Variants in XRN1 observed in about 807,000 individuals in gnomAD.
The protein encoded by XRN1 is strand-exchange protein 1 homolog.
A neutral mutation model predicts 222.3 loss-of-function variants in XRN1; 67 were observed. The observed-to-expected ratio is 0.30, with a 90% CI of 0.25 to 0.37. XRN1 has a LOEUF of 0.37. Among genes scored for constraint, XRN1 ranks in the 10% least tolerant of loss-of-function variants. The pLI, the probability that XRN1 is intolerant of heterozygous loss-of-function variation, is 1.00. For missense variants in XRN1, 1,707 were observed against 2,000.2 expected, an observed-to-expected ratio of 0.85 and a Z score of 2.80; for synonymous variants, 643 against 652.4, an observed-to-expected ratio of 0.99 and a Z score of 0.22.
intron 1 of XRN1, among the ~76,000 whole-genome samples, chr3:142,434,532 A>G (rs893167954): frequency 1.7e-5 from 2 of 115,086 alleles, no homozygotes; most frequent in Non-Finnish European, 3.7e-5. Flanking sequence ...TTTTTTTTAC[A>G]TTTTACAGAA....
chr3:142,321,263 G>A (rs551170089), intron 37 of XRN1, among the ~76,000 whole-genome samples: 5 of 151,972 alleles, frequency 3.3e-5, no homozygotes, highest in African/African-American at 1.2e-4. Flanking sequence ...GTGATTACAG[G>A]TGCATGCCAT....
intron 1 of XRN1, among the ~76,000 whole-genome samples, chr3:142,443,029 G>A (rs1472047258): frequency 3.3e-5 from 5 of 152,136 alleles, no homozygotes; most frequent in African/African-American, 9.7e-5. Flanking sequence ...CACCGCGCCC[G>A]GCCCAATCCC....
At chr3:142,340,310 G>C (rs555695050) in intron 33 of XRN1, among the ~76,000 whole-genome samples, 2 of 152,046 alleles carry the variant, frequency 1.3e-5, no homozygotes, top group African/African-American at 4.8e-5. Context: ...AGCTGAGATT[G>C]CACCACTGCA....
chr3:142,359,450 T>A (rs2066557641), intron 30 of XRN1, among the ~76,000 whole-genome samples: 1 of 152,208 alleles, frequency 6.6e-6, no homozygotes, highest in Non-Finnish European at 1.5e-5. Flanking sequence ...TAGCATTGTT[T>A]ACATATGCTA....
At chr3:142,349,091 T>G (rs769914049) in intron 32 of XRN1, among the ~76,000 whole-genome samples, 5 of 152,116 alleles carry the variant, frequency 3.3e-5, no homozygotes, top group Non-Finnish European at 7.4e-5. Flanking sequence ...TAGCTGGGGC[T>G]ATGGGTATGT....
intron 2 of XRN1, among the ~76,000 whole-genome samples, chr3:142,427,570 TAAG>T (rs570787387): frequency 6.6e-6 from 1 of 152,204 alleles, no homozygotes; most frequent in African/African-American, 2.4e-5. Context: ...AAATTATCCC[TAAG>T]ATTATATAAA....
At position 142,312,704 on chromosome 3, in the gene XRN1, G is replaced by A. The variant is rs372791332; in HGVS notation, c.4676C>T (p.Ser1559Leu). 65 of 1,613,806 alleles carry A rather than the reference G, an allele frequency of 4.0e-5. No homozygotes were observed. Among genetic ancestry groups the A allele is most frequent in the Admixed American group, 1.7e-4 (10 of 60,004 alleles). ...HLFGSMPWGP[S>L]VPVPGKPFHH... ...GAAGGGCTTCCCAGGAACTGGCACC[G>A]ATGGTCCCCATGGCATTGAGCCAAA... Residue 1559 changes from serine to leucine, a missense_variant, in exon 40 of 41, where the codon TCG (serine) becomes TTG (leucine). Ser to Leu is a moderately radical substitution (Grantham distance 145). This residue lies in a region of XRN1 where 473 missense variants were observed against 482.0 expected (regional missense o/e 0.98). Transcript: ENST00000392981.
chr3:142,388,229 T>C (rs1239825332), intron 20 of XRN1, among the ~76,000 whole-genome samples: 1 of 152,094 alleles, frequency 6.6e-6, no homozygotes, highest in Non-Finnish European at 1.5e-5. Flanking sequence ...AAGACGAAGA[T>C]GAAAACTGTT....
intron 1 of XRN1, chr3:142,435,386 A>G (rs2069837838): frequency 6.6e-6 from 1 of 151,526 alleles, no homozygotes; most frequent in African/African-American, 2.4e-5. Context: ...CAACTGAGCA[A>G]GACTCTGTAT....
intron 19 of XRN1, among the ~76,000 whole-genome samples, chr3:142,400,207 T>C (rs1045851371): frequency 1.6e-4 from 24 of 152,184 alleles, no homozygotes; most frequent in Non-Finnish European, 3.2e-4. Flanking sequence ...GATATAGAAC[T>C]TCCAAGAAAT....
intron 39 of XRN1, among the ~76,000 whole-genome samples, chr3:142,314,546 G>A (rs916400182): frequency 6.6e-6 from 1 of 151,966 alleles, no homozygotes; most frequent in Admixed American, 6.6e-5. Flanking sequence ...TATAAGTTAC[G>A]GTGATACTAT....
chr3:142,436,082 A>AATT (rs1553745772), intron 1 of XRN1: 7 of 118,418 alleles, frequency 5.9e-5, no homozygotes, highest in African/African-American at 2.5e-4. Context: ...AAAAAAAAAA[A>AATT]TTTAAAGCAA....
At chr3:142,348,888 C>T (rs1165583316) in intron 32 of XRN1, among the ~76,000 whole-genome samples, 2 of 152,158 alleles carry the variant, frequency 1.3e-5, no homozygotes, top group Non-Finnish European at 2.9e-5. Context: ...GTTCCTCCTG[C>T]CTTGGCCTCC....
At chr3:142,345,035 T>C (rs1255894828) in intron 33 of XRN1, among the ~76,000 whole-genome samples, 1 of 152,170 alleles carries the variant, frequency 6.6e-6, no homozygotes, top group African/African-American at 2.4e-5. Flanking sequence ...GTATTTCACA[T>C]AAGGACGGGC....
chr3:142,428,798 T>A (rs2069377223), intron 2 of XRN1, among the ~76,000 whole-genome samples: 1 of 152,178 alleles, frequency 6.6e-6, no homozygotes, highest in Non-Finnish European at 1.5e-5. Flanking sequence ...GAAGTATATC[T>A]GGGGTTTCCA....
At chr3:142,411,750 T>C (rs1430855114) in intron 15 of XRN1, among the ~76,000 whole-genome samples, 2 of 152,198 alleles carry the variant, frequency 1.3e-5, no homozygotes, top group African/African-American at 4.8e-5. Flanking sequence ...CCCAGATCTT[T>C]GTTACTATTT....
In XRN1 at chr3:142,423,465, C is replaced by T. The variant is rs535595339; in HGVS notation, c.710+95G>A. On this transcript the variant is annotated intron_variant, in intron 6 of 40. Coordinates refer to ENST00000392981, the MANE Select transcript of XRN1 (RefSeq NM_001282857.2). ...ATCAACATAGTGAAAAGGCAACCTACGGAATGAGATAAAGTATTTACAAAC... is the reference window on the plus strand; with the variant it reads ...ATCAACATAGTGAAAAGGCAACCTATGGAATGAGATAAAGTATTTACAAAC... The T allele has an allele frequency of 1.4e-5, 14 of 972,418 alleles. No individual in the cohort carries two copies. In the East Asian group the frequency reaches 2.9e-4, roughly 20 times the overall value. The allele number at this position is 972,418 out of a possible 1,614,324, so 60.2% of individuals were successfully genotyped here.
chr3:142,311,687 T>A lies in XRN1; in HGVS notation c.4909A>T (p.Ser1637Cys). The A allele has an allele frequency of 1.2e-6, 2 of 1,614,118 alleles. No homozygotes were observed. The highest frequency in any genetic ancestry group is 1.7e-6 in the Non-Finnish European group (2 of 1,179,992). The change falls in exon 41 of 41, where the codon AGC (serine) becomes TGC (cysteine). Residue 1637 changes from serine (S) to cysteine (C), a missense_variant. Physicochemically the swap from Ser to Cys is moderately radical, Grantham distance 112. This residue lies in a region of XRN1 where 473 missense variants were observed against 482.0 expected (regional missense o/e 0.98). Transcript: ENST00000392981. ...GAGGACTTCAAAGAAGCTGATGAGC[T>A]CTCCCGTGGACTTACTTTGACAATG... ...SNIVKVSPRE[S>C]SSASLKSSPI...
chr3:142,385,538 TC>T (rs1455443840), intron 20 of XRN1, among the ~76,000 whole-genome samples: 9 of 152,190 alleles, frequency 5.9e-5, no homozygotes, highest in Non-Finnish European at 8.8e-5. Context: ...AACATAGTTA[TC>T]CATTTACTTC....
Sources: gnomAD v4.1 joint callset for allele counts (sites outside exome capture counted in the v4.1 genomes callset) on GRCh38, gnomAD v4.1.1 for gene constraint, gnomAD v4.1.1 regional missense constraint, MANE v1.5 for transcripts, NCBI Gene and HGNC (gene_info 2026-07-23, HGNC 2026-07-21) for gene names.